CNTN5: variants seen among roughly 807,000 people sequenced by gnomAD.
CNTN5 encodes the protein contactin-5.
In CNTN5, 77 loss-of-function variants were observed where a neutral mutation model predicts 129.1. The ratio of observed to expected loss-of-function variants is 0.60; its 90% CI spans 0.50 to 0.72. The LOEUF (loss-of-function observed/expected upper bound fraction) is 0.72, where lower values mean the gene tolerates loss of function less well. Among genes scored for constraint, CNTN5 ranks in the 30% least tolerant of loss-of-function variants. The probability of loss-of-function intolerance (pLI) is 0.00; values close to 1 mark genes in which losing one functional copy is unlikely to be tolerated. For missense variants in CNTN5, 1,478 were observed against 1,328.8 expected, an observed-to-expected ratio of 1.11 and a Z score of -1.75; for synonymous variants, 509 against 465.6, an observed-to-expected ratio of 1.09 and a Z score of -1.20.
intron 1 of CNTN5, among the ~76,000 whole-genome samples, chr11:99,174,568 G>A (rs1459856388): frequency 6.6e-6 from 1 of 152,054 alleles, no homozygotes; most frequent in Non-Finnish European, 1.5e-5. Context: ...ACTACATGGA[G>A]GACAGTACAA....
At chr11:99,437,617 C>G (rs1171667799) in intron 2 of CNTN5, among the ~76,000 whole-genome samples, 5 of 152,060 alleles carry the variant, frequency 3.3e-5, no homozygotes, top group Admixed American at 3.3e-4. Flanking sequence ...CACCTGAGGT[C>G]AGGAGTTTGA....
At chr11:99,271,838 G>A (rs1160208758) in intron 1 of CNTN5, among the ~76,000 whole-genome samples, 2 of 151,788 alleles carry the variant, frequency 1.3e-5, no homozygotes, top group African/African-American at 4.8e-5. Flanking sequence ...TGCCCAGACT[G>A]ACTGATCCAA....
Position 100,172,129 on chromosome 11 carries a change from G to A in CNTN5, c.1581-18997G>A, listed in dbSNP as rs191500742. ...AATGAAGTTAATTCAAAATGCAAAC[G>A]CAGTTTGCATTAAAACTAATAATAT... On this transcript the variant is annotated intron_variant, in intron 13 of 24. Transcript: ENST00000524871. Among the ~76,000 whole-genome samples, 122 of 151,984 alleles carry A rather than the reference G, an allele frequency of 8.0e-4. 1 individual carries two copies. The East Asian group carries it at 0.015, about 19-fold the overall frequency.
At chr11:100,332,572 T>C (rs1424053272) in intron 21 of CNTN5, among the ~76,000 whole-genome samples, 1 of 151,920 alleles carries the variant, frequency 6.6e-6, no homozygotes. Context: ...TCATCATAGA[T>C]GCAAAAATCC....
intron 15 of CNTN5, among the ~76,000 whole-genome samples, chr11:100,205,900 A>G (rs1005273118): frequency 2.0e-5 from 3 of 152,074 alleles, no homozygotes; most frequent in Admixed American, 1.3e-4. Flanking sequence ...ACTATACATA[A>G]GTTCTTATTT....
chr11:99,948,331 T>C (rs1950598711), intron 7 of CNTN5, among the ~76,000 whole-genome samples: 1 of 152,202 alleles, frequency 6.6e-6, no homozygotes, highest in South Asian at 2.1e-4. Flanking sequence ...TGGTATTTTA[T>C]AGTAGGTCTC....
intron 7 of CNTN5, among the ~76,000 whole-genome samples, chr11:99,934,898 G>A (rs866190455): frequency 1.5e-5 from 1 of 67,952 alleles, no homozygotes; most frequent in Non-Finnish European, 2.5e-5. Flanking sequence ...GTGTGTGTGT[G>A]TATATATATA....
chr11:99,207,053 A>G (rs1654889332), intron 1 of CNTN5, among the ~76,000 whole-genome samples: 1 of 152,104 alleles, frequency 6.6e-6, no homozygotes, highest in Non-Finnish European at 1.5e-5. Flanking sequence ...AGTCTTAGTC[A>G]CAAGCAGTAT....
At chr11:100,256,670 G>A (rs1276100291) in intron 17 of CNTN5, among the ~76,000 whole-genome samples, 2 of 152,062 alleles carry the variant, frequency 1.3e-5, no homozygotes, top group Non-Finnish European at 2.9e-5. Flanking sequence ...GCAGCATGGG[G>A]CATTGCCTCA....
chr11:99,520,749 A>T (rs1050805719), intron 2 of CNTN5, among the ~76,000 whole-genome samples: 1 of 152,112 alleles, frequency 6.6e-6, no homozygotes, highest in Non-Finnish European at 1.5e-5. Flanking sequence ...ATCCAAGAGA[A>T]GATCACAAAT....
At chr11:99,338,834 A>G (rs1198210431) in intron 2 of CNTN5, among the ~76,000 whole-genome samples, 2 of 149,602 alleles carry the variant, frequency 1.3e-5, no homozygotes, top group African/African-American at 5.0e-5. Flanking sequence ...TAAATAATCT[A>G]GGAAAATCAT....
intron 1 of CNTN5, among the ~76,000 whole-genome samples, chr11:99,230,492 T>C (rs1366313442): frequency 6.6e-6 from 1 of 152,168 alleles, no homozygotes; most frequent in Non-Finnish European, 1.5e-5. Context: ...TGTTTTTATT[T>C]GTTTAACCTT....
intron 1 of CNTN5, among the ~76,000 whole-genome samples, chr11:99,062,093 G>A (rs187850996): frequency 4.6e-5 from 7 of 152,210 alleles, no homozygotes; most frequent in Admixed American, 2.6e-4. Context: ...TTAGGAAGTT[G>A]TAGTGGAGTT....
At chr11:99,754,671 C>G (rs189607891) in intron 3 of CNTN5, among the ~76,000 whole-genome samples, 1 of 152,068 alleles carries the variant, frequency 6.6e-6, no homozygotes, top group Admixed American at 6.5e-5. Context: ...CATTTACTTC[C>G]TGCCTTCTCT....
At chr11:99,033,327 G>T (rs929440055) in intron 1 of CNTN5, among the ~76,000 whole-genome samples, 1 of 152,006 alleles carries the variant, frequency 6.6e-6, no homozygotes, top group African/African-American at 2.4e-5. Context: ...AGCTTGATGG[G>T]AGTGGCATTG....
intron 9 of CNTN5, among the ~76,000 whole-genome samples, chr11:100,045,526 C>G (rs1187143391): frequency 6.6e-6 from 1 of 152,106 alleles, no homozygotes; most frequent in East Asian, 1.9e-4. Context: ...AAGTAGTTAT[C>G]CTCATATGAA....
At chr11:99,542,787 A>G (rs1277063973) in intron 2 of CNTN5, among the ~76,000 whole-genome samples, 1 of 152,172 alleles carries the variant, frequency 6.6e-6, no homozygotes, top group Non-Finnish European at 1.5e-5. Context: ...TTGTACCACC[A>G]CCCTGCTCAG....
At chr11:100,247,948 G>A (rs1430025966) in intron 16 of CNTN5, among the ~76,000 whole-genome samples, 1 of 151,972 alleles carries the variant, frequency 6.6e-6, no homozygotes, top group East Asian at 1.9e-4. Flanking sequence ...TTATCTCTCT[G>A]CATTAATCTA....
intron 2 of CNTN5, among the ~76,000 whole-genome samples, chr11:99,325,751 G>T (rs1001608133): frequency 1.3e-5 from 2 of 152,096 alleles, no homozygotes; most frequent in African/African-American, 4.8e-5. Context: ...TTTTTAGTTT[G>T]ATATGAGGAT....
Sources: allele counts gnomAD v4.1 joint callset (sites outside exome capture counted in the v4.1 genomes callset), GRCh38; gene constraint gnomAD v4.1.1; transcripts MANE v1.5; gene names NCBI Gene and HGNC (gene_info 2026-07-23, HGNC 2026-07-21).